The following ITPA variants were observed in gnomAD, a reference collection of about 807,000 sequenced individuals.
ITPA encodes inosine triphosphatase.
In ITPA, 29 loss-of-function variants were observed where a neutral mutation model predicts 29.6. That is an observed-to-expected ratio of 0.98 (90% CI 0.73 to 1.34). The LOEUF (loss-of-function observed/expected upper bound fraction) is 1.34, where lower values mean the gene tolerates loss of function less well. Among genes scored for constraint, ITPA ranks in the 40% most tolerant of loss-of-function variants. ITPA has a pLI of 0.00. For synonymous variants in ITPA, 103 were observed against 99.3 expected (o/e 1.04, Z -0.22); for missense variants, 241 against 251.5 (o/e 0.96, Z 0.28).
In ITPA at chr20:3,218,508, C is replaced by T. The variant is rs758344695; in HGVS notation, c.296-9C>T. 1 of 1,606,362 alleles carries T rather than the reference C, an allele frequency of 6.2e-7. No homozygotes were observed. The highest frequency in any genetic ancestry group is 8.5e-7 in the Non-Finnish European group (1 of 1,173,166). ...AGGGATGCACTGAGCCCTCACTGCCCACCCGCAGGTCTCCACCAGCTCCTG... is the reference window on the plus strand; with the variant it reads ...AGGGATGCACTGAGCCCTCACTGCCTACCCGCAGGTCTCCACCAGCTCCTG... On this transcript the variant is annotated splice_polypyrimidine_tract_variant and intron_variant, in intron 5 of 7. Transcript: ENST00000380113.
rs2067526500 is a variant in ITPA at position 3,223,700 on chromosome 20, C to G, written c.*238C>G. 1.7e-6 allele frequency: 1 copy of G among 574,280 alleles called. No individual in the cohort carries two copies. Among genetic ancestry groups the G allele is most frequent in the Admixed American group, 3.0e-5 (1 of 33,722 alleles). 35.6% of individuals were successfully genotyped at this position (574,280 alleles called of 1,614,324 possible). A position where few individuals can be genotyped will look rare whatever the true frequency, so the allele number is the denominator to read the frequency against. ...ACTGCTCTCTCCTACAGCCGCCAGG[C>G]CTGGGGTCCTGAAAGGACCTTGGGT... On this transcript the variant is annotated 3_prime_UTR_variant, in exon 8 of 8. Transcript: ENST00000380113.
chr20:3,204,857 T>C (rs1353230530), upstream of ITPA, among the ~76,000 whole-genome samples: 1 of 148,956 alleles, frequency 6.7e-6, no homozygotes. Context: ...AACATCTATG[T>C]ATGTTTTTTT....
At chr20:3,222,007 C>A (rs1006515082) in intron 7 of ITPA, 90 bp downstream of exon 7, 10 of 1,241,312 alleles carry the variant, frequency 8.1e-6, no homozygotes, top group Non-Finnish European at 1.2e-5. Flanking sequence ...TGCAGGCATG[C>A]GGATATGGGC....
chr20:3,224,642 G>A (rs2067538316), downstream of ITPA, among the ~76,000 whole-genome samples: 1 of 152,242 alleles, frequency 6.6e-6, no homozygotes, highest in African/African-American at 2.4e-5. Context: ...GGTGGGAGAT[G>A]TCTGGCTGGG....
At chr20:3,223,068 C>A (rs1225456020) in intron 7 of ITPA, among the ~76,000 whole-genome samples, 2 of 152,192 alleles carry the variant, frequency 1.3e-5, no homozygotes, top group Non-Finnish European at 2.9e-5. Flanking sequence ...GATGACAAAG[C>A]TGATCAAACA....
chr20:3,227,166 G>A (rs907426615), downstream of ITPA, among the ~76,000 whole-genome samples: 3 of 152,204 alleles, frequency 2.0e-5, no homozygotes, highest in Non-Finnish European at 4.4e-5. Context: ...CCAAGCCCTC[G>A]CTCCTCTGGA....
In ITPA at chr20:3,223,480, G is replaced by A; in HGVS notation, c.*18G>A. The stretch of plus-strand genomic sequence containing the variant: ...CAGCTTGACTTCTGCAGCTGGAGGA[G>A]GCCCCTCAGGCCGGGGATCTGGGGA... On this transcript the variant is annotated 3_prime_UTR_variant, in exon 8 of 8. Transcript: ENST00000380113. 6.3e-7 allele frequency: 1 copy of A among 1,590,400 alleles called. No homozygotes were observed. Among genetic ancestry groups the A allele is most frequent in the East Asian group, 2.3e-5 (1 of 44,426 alleles).
rs1218421981 is a variant in ITPA at position 3,223,531 on chromosome 20, G to A, written c.*69G>A. 31 of 1,196,450 alleles carry A rather than the reference G, an allele frequency of 2.6e-5. No individual in the cohort carries two copies. The highest frequency in any genetic ancestry group is 3.5e-5 in the Non-Finnish European group (29 of 823,820). The allele number at this position is 1,196,450 out of a possible 1,614,324, so 74.1% of individuals were successfully genotyped here. A position where few individuals can be genotyped will look rare whatever the true frequency, so the allele number is the denominator to read the frequency against. On this transcript the variant is annotated 3_prime_UTR_variant, in exon 8 of 8. Transcript: ENST00000380113. ...GGGCTAGCCCAAAACCTCCCGCATC[G>A]GGCAGGCACCCCCTGAAGTACTTCC...
upstream of ITPA, among the ~76,000 whole-genome samples, chr20:3,207,122 A>C (rs1291521627): frequency 6.6e-6 from 1 of 152,112 alleles, no homozygotes; most frequent in Non-Finnish European, 1.5e-5. Flanking sequence ...ACAGGGTCTC[A>C]CTCACATCAC....
intron 5 of ITPA, among the ~76,000 whole-genome samples, chr20:3,217,028 C>G (rs568053198): frequency 1.3e-5 from 2 of 152,128 alleles, no homozygotes; most frequent in East Asian, 3.9e-4. Flanking sequence ...TTACAGGTGC[C>G]CACCACCACG....
At chr20:3,226,251 T>G (rs74827033), downstream of ITPA, among the ~76,000 whole-genome samples, 4,059 of 152,082 alleles carry the variant, frequency 0.027, 169 homozygotes, top group African/African-American at 0.092. The surrounding 1 kb of genome is among the most constrained non-coding windows in gnomAD (Gnocchi z 4.4). Context: ...AGGCAGCAGT[T>G]AGGTTGAATT....
chr20:3,222,531 C>T (rs2067492124), intron 7 of ITPA, among the ~76,000 whole-genome samples: 1 of 152,172 alleles, frequency 6.6e-6, no homozygotes, highest in Non-Finnish European at 1.5e-5. Flanking sequence ...TTTATGGCAT[C>T]ATTTTCTGAC....
chr20:3,223,764 G>A lies in ITPA; in HGVS notation c.*302G>A, dbSNP rs935619427. ...TTGGTGGGAGTGAGGGCGTGGGGAG[G>A]AACCATGCAAATCGCCTTCCATGGT... is the stretch of plus-strand genomic sequence containing the variant. On this transcript the variant is annotated 3_prime_UTR_variant, in exon 8 of 8. Transcript: ENST00000380113. The A allele has an allele frequency of 2.1e-6, 1 of 482,856 alleles. No homozygotes were observed. The highest frequency in any genetic ancestry group is 1.9e-5 in the African/African-American group (1 of 51,670). The allele number at this position is 482,856 out of a possible 1,614,324, so 29.9% of individuals were successfully genotyped here.
At chr20:3,206,135 T>C (rs1211581223), upstream of ITPA, among the ~76,000 whole-genome samples, 2 of 150,892 alleles carry the variant, frequency 1.3e-5, no homozygotes, top group Admixed American at 6.6e-5. Flanking sequence ...ACACCTGTAA[T>C]CCCAGCACTT....
chr20:3,212,610 A>C (rs1297352089), intron 1 of ITPA, among the ~76,000 whole-genome samples: 1 of 152,134 alleles, frequency 6.6e-6, no homozygotes, highest in East Asian at 1.9e-4. Context: ...CGTGAGCCAC[A>C]GGACCCAGCC....
At position 3,215,014 on chromosome 20, in the gene ITPA, A is replaced by G. The variant is rs572247732; in HGVS notation, c.264-267A>G. 3.3e-5 allele frequency among the ~76,000 whole-genome samples: 5 copies of G among 152,308 alleles called. No individual in the cohort carries two copies. The East Asian group carries it at 7.7e-4, about 24-fold the overall frequency. On this transcript the variant is annotated intron_variant, in intron 4 of 7. Coordinates refer to ENST00000380113, the MANE Select transcript of ITPA (RefSeq NM_033453.4). The stretch of plus-strand genomic sequence containing the variant: ...CAGCCTCCCAAGTAGCTGGGACTGC[A>G]GGCACATGCCTAGCCAGTTTTTTTG...
chr20:3,208,618 C>G (rs1252262318), upstream of ITPA, among the ~76,000 whole-genome samples: 1 of 152,192 alleles, frequency 6.6e-6, no homozygotes, highest in Non-Finnish European at 1.5e-5. Flanking sequence ...TCGGGTGATC[C>G]ACTCGCCTCA....
At chr20:3,220,732 A>AATTGGT (rs2067442353) in intron 6 of ITPA, among the ~76,000 whole-genome samples, 2 of 150,788 alleles carry the variant, frequency 1.3e-5, no homozygotes, top group African/African-American at 4.9e-5. Context: ...AAAAAAAAAA[A>AATTGGT]ATTGGTAGAG....
At chr20:3,204,898 T>C (rs2067060236), upstream of ITPA, among the ~76,000 whole-genome samples, 1 of 151,954 alleles carries the variant, frequency 6.6e-6, no homozygotes, top group Non-Finnish European at 1.5e-5. Flanking sequence ...TCGCACAGGC[T>C]GGAGTGCGGT....
Sources: gnomAD v4.1 joint callset for allele counts (sites outside exome capture counted in the v4.1 genomes callset) on GRCh38, gnomAD v4.1.1 for gene constraint, Gnocchi (gnomAD v3.1) non-coding constraint, MANE v1.5 for transcripts, NCBI Gene and HGNC (gene_info 2026-07-23, HGNC 2026-07-21) for gene names.